KEL: variants seen among roughly 807,000 people sequenced by gnomAD.
KEL encodes Kell metallo-endopeptidase (Kell blood group), also known as kell blood group glycoprotein.
A neutral mutation model predicts 99.5 loss-of-function variants in KEL; 96 were observed. That is an observed-to-expected ratio of 0.97 (90% CI 0.82 to 1.14). The LOEUF is 1.14. KEL is among the 50% of genes most tolerant of loss of function. The pLI is 0.00. For missense variants in KEL, 926 were observed against 924.2 expected, an observed-to-expected ratio of 1.00 and a Z score of -0.03; for synonymous variants, 355 against 354.8, an observed-to-expected ratio of 1.00 and a Z score of -0.01.
intron 11 of KEL, among the ~76,000 whole-genome samples, chr7:142,945,477 T>C (rs1397892364): frequency 6.6e-6 from 1 of 152,254 alleles, no homozygotes; most frequent in Non-Finnish European, 1.5e-5. Context: ...GTCCCAGGCA[T>C]GTGGTAGGTA....
At chr7:142,956,135 C>T (rs1586267471) in intron 6 of KEL, among the ~76,000 whole-genome samples, 1 of 152,214 alleles carries the variant, frequency 6.6e-6, no homozygotes, top group Non-Finnish European at 1.5e-5. Context: ...TCACCCTCCT[C>T]CCACTCACAC....
intron 2 of KEL, 125 bp downstream of exon 2, chr7:142,961,670 A>T: frequency 7.8e-7 from 1 of 1,284,092 alleles, no homozygotes; most frequent in Non-Finnish European, 1.1e-6. Context: ...AGATGAGAAA[A>T]CAAGGAATGT....
chr7:142,944,309 AC>A lies in KEL; in HGVS notation c.1491+13del. Reference sequence around the variant, plus strand: ...TCAAGGACTGAAAAGGAGCTGGAAAACACAGGGACCCACATCGTTGTATTCT... The same window carrying A: ...TCAAGGACTGAAAAGGAGCTGGAAAAACAGGGACCCACATCGTTGTATTCT... On this transcript the variant is annotated intron_variant, in intron 13 of 18. Coordinates refer to ENST00000355265, the MANE Select transcript of KEL (RefSeq NM_000420.3). 1 of 1,606,970 alleles carries A rather than the reference AC, an allele frequency of 6.2e-7. No homozygotes were observed. The highest frequency in any genetic ancestry group is 8.5e-7 in the Non-Finnish European group (1 of 1,173,436).
Position 142,943,361 on chromosome 7 carries a change from TA to T in KEL, c.1704-19del. ...TCACGGCTCTAGGGAGACAAGGGCT[TA>T]TTTGACCCCCAGAATCTCTCAGCAT... On this transcript the variant is annotated intron_variant, in intron 15 of 18. Transcript: ENST00000355265. 1.2e-6 allele frequency: 2 copies of T among 1,613,948 alleles called. No individual in the cohort carries two copies. Among genetic ancestry groups the T allele is most frequent in the Non-Finnish European group, 8.5e-7 (1 of 1,179,894 alleles).
At position 142,946,259 on chromosome 7, in the gene KEL, G is replaced by A. The variant is rs145286883; in HGVS notation, c.1262C>T (p.Thr421Met). 8.6e-5 allele frequency: 138 copies of A among 1,614,014 alleles called. No individual in the cohort carries two copies. The highest frequency in any genetic ancestry group is 1.6e-4 in the Middle Eastern group (1 of 6,084). The change falls in exon 11 of 19, where the codon ACG becomes ATG. Residue 421 changes from threonine to methionine, a missense_variant. Coordinates refer to ENST00000355265, the MANE Select transcript of KEL (RefSeq NM_000420.3). ...VEETGTFFEP[T>M]LAALFVREAF... ...CTCACGAACAAACAAAGCCGCCAGC[G>A]TGGGCTCGAAGAACGTGCCTGTCTC... is the stretch of plus-strand genomic sequence containing the variant.
In KEL at chr7:142,952,513, G is replaced by T. The variant is rs767483672; in HGVS notation, c.1199C>A (p.Pro400His). 1.1e-5 allele frequency: 17 copies of T among 1,613,730 alleles called. No homozygotes were observed. Among genetic ancestry groups the T allele is most frequent in the African/African-American group, 1.3e-5 (1 of 74,896 alleles). Residue 400 changes from proline (P) to histidine (H), a missense_variant, in exon 10 of 19, where the codon CCC (proline) becomes CAC (histidine). Coordinates refer to ENST00000355265, the MANE Select transcript of KEL (RefSeq NM_000420.3). ...TACACCCGCTCCTCTCCTCACCATGGGTGGTTGCTCTGTCAGTTCCCGCAG... is the reference window on the plus strand; with the variant it reads ...TACACCCGCTCCTCTCCTCACCATGTGTGGTTGCTCTGTCAGTTCCCGCAG... Reference protein sequence around the residue: ...QKLRELTEQPPMPARPRWMKC... With the variant: ...QKLRELTEQPHMPARPRWMKC...
chr7:142,953,841 G>T lies in KEL; in HGVS notation c.1040C>A (p.Ser347Ter). ...VHDVEYLKNM[S>*]QLVEEMLLKQ... is the part of the protein sequence containing the mutation. ...TAGCAGCATCTCCTCCACCAGTTGT[G>T]ACATGTTTTTCAAATATTCCACGTC... The change falls in exon 9 of 19, where the codon TCA becomes TAA. Residue 347 changes from serine to a stop codon, truncating the protein, a stop_gained. Transcript: ENST00000355265. LOFTEE classifies it high-confidence loss of function. 6.2e-7 allele frequency: 1 copy of T among 1,614,186 alleles called. No individual in the cohort carries two copies. The highest frequency in any genetic ancestry group is 8.5e-7 in the Non-Finnish European group (1 of 1,180,042).
At chr7:142,943,696 G>T in intron 14 of KEL, 87 bp downstream of exon 14, 1 of 1,459,488 alleles carries the variant, frequency 6.9e-7, no homozygotes, top group Non-Finnish European at 9.6e-7. Context: ...TGTTCATGCT[G>T]CCTGCCCTGA....
chr7:142,951,539 C>G (rs1796685863), intron 10 of KEL, among the ~76,000 whole-genome samples: 1 of 152,150 alleles, frequency 6.6e-6, no homozygotes. Context: ...GAGCAACTTC[C>G]TTATCTTTCG....
At chr7:142,959,896 G>A (rs987956212) in intron 4 of KEL, among the ~76,000 whole-genome samples, 4 of 152,160 alleles carry the variant, frequency 2.6e-5, no homozygotes, top group Non-Finnish European at 4.4e-5. Context: ...AAAAAAAGAG[G>A]GCAGAGGGGT....
At chr7:142,949,839 C>A (rs1329021901) in intron 10 of KEL, among the ~76,000 whole-genome samples, 1 of 152,226 alleles carries the variant, frequency 6.6e-6, no homozygotes, top group African/African-American at 2.4e-5. Context: ...TTAATCATCA[C>A]AAATGTGAAG....
chr7:142,941,588 G>A (rs1381598273), intron 18 of KEL, among the ~76,000 whole-genome samples, 175 bp from the exon 19 acceptor site: 1 of 152,204 alleles, frequency 6.6e-6, no homozygotes, highest in African/African-American at 2.4e-5. Context: ...AGGAGTCCAG[G>A]AGGAGGGCCT....
intron 7 of KEL, 21 bp from the exon 8 acceptor site, chr7:142,954,393 T>A (rs917355159): frequency 4.3e-6 from 7 of 1,613,844 alleles, no homozygotes; most frequent in Non-Finnish European, 5.9e-6. Flanking sequence ...GAAATGTCAG[T>A]CACAGGTGCC....
At chr7:142,956,179 C>T (rs188970718) in intron 6 of KEL, among the ~76,000 whole-genome samples, 1 of 152,260 alleles carries the variant, frequency 6.6e-6, no homozygotes, top group Admixed American at 6.5e-5. Flanking sequence ...GTGTAATCCC[C>T]CACTTTCTTT....
chr7:142,960,744 A>G (rs2116687180), intron 4 of KEL, among the ~76,000 whole-genome samples, 184 bp downstream of exon 4: 1 of 152,288 alleles, frequency 6.6e-6, no homozygotes, highest in East Asian at 1.9e-4. Context: ...GAGCAAACCC[A>G]GGCAGCTCCC....
At chr7:142,956,278 C>T (rs966432888) in intron 6 of KEL, among the ~76,000 whole-genome samples, 1 of 152,020 alleles carries the variant, frequency 6.6e-6, no homozygotes, top group Non-Finnish European at 1.5e-5. Flanking sequence ...GTGCCTGGCT[C>T]TTCCTTTCCA....
chr7:142,958,115 T>C, intron 5 of KEL, 142 bp from the exon 6 acceptor site: 1 of 1,301,322 alleles, frequency 7.7e-7, no homozygotes, highest in South Asian at 1.3e-5. Context: ...TCTATCCTTT[T>C]TTATCTGCCT....
In KEL at chr7:142,961,663, T is replaced by C; in HGVS notation, c.81+132A>G. The C allele has an allele frequency of 7.0e-6, 9 of 1,282,224 alleles. No homozygotes were observed. In the South Asian group the frequency reaches 1.1e-4, roughly 15 times the overall value. The allele number at this position is 1,282,224 out of a possible 1,614,324, so 79.4% of individuals were successfully genotyped here. A position where few individuals can be genotyped will look rare whatever the true frequency, so the allele number is the denominator to read the frequency against. On this transcript the variant is annotated intron_variant, in intron 2 of 18. Transcript: ENST00000355265. ...CAGCCCTACTTTAACTCCTGGGAGA[T>C]GAGAAAACAAGGAATGTCAACTGTT...
intron 10 of KEL, among the ~76,000 whole-genome samples, chr7:142,952,076 CTCTT>C (rs985159762): frequency 6.6e-6 from 1 of 152,104 alleles, no homozygotes; most frequent in African/African-American, 2.4e-5. Context: ...CAGAGATAAA[CTCTT>C]TGTGAAGCAC....
Sources: gnomAD v4.1 joint callset for allele counts (sites outside exome capture counted in the v4.1 genomes callset) on GRCh38, gnomAD v4.1.1 for gene constraint, MANE v1.5 for transcripts, NCBI Gene and HGNC (gene_info 2026-07-23, HGNC 2026-07-21) for gene names.